Variants in ZMAT5 observed in about 807,000 individuals in gnomAD.
ZMAT5 encodes zinc finger matrin-type 5.
Under a neutral mutation model 28.0 loss-of-function variants are expected in ZMAT5, and 23 were observed. The ratio of observed to expected loss-of-function variants is 0.82; its 90% CI spans 0.59 to 1.16. The LOEUF (loss-of-function observed/expected upper bound fraction) is 1.16. ZMAT5 is among the 50% of genes most tolerant of loss of function. ZMAT5 has a pLI of 0.00. For missense variants in ZMAT5, 173 were observed against 212.7 expected, an observed-to-expected ratio of 0.81 and a Z score of 1.16; for synonymous variants, 76 against 84.1, an observed-to-expected ratio of 0.90 and a Z score of 0.52.
chr22:29,742,006 A>C (rs901121681), intron 3 of ZMAT5, among the ~76,000 whole-genome samples: 2 of 150,484 alleles, frequency 1.3e-5, no homozygotes, highest in African/African-American at 4.9e-5. Context: ...TGAGCAGTCA[A>C]ATCTACACCT....
At chr22:29,735,087 GC>G in intron 5 of ZMAT5, among the ~76,000 whole-genome samples, 1 of 152,250 alleles carries the variant, frequency 6.6e-6, no homozygotes, top group South Asian at 2.1e-4. Flanking sequence ...GGGGGCTGGG[GC>G]TGGAATCCAC....
chr22:29,734,595 C>CT (rs2067886467), intron 5 of ZMAT5, among the ~76,000 whole-genome samples: 1 of 152,204 alleles, frequency 6.6e-6, no homozygotes. Flanking sequence ...GAAGCGGGGG[C>CT]TGGGAGGGGT....
At chr22:29,743,874 G>C (rs1252725593) in intron 2 of ZMAT5, among the ~76,000 whole-genome samples, 1 of 152,184 alleles carries the variant, frequency 6.6e-6, no homozygotes, top group Non-Finnish European at 1.5e-5. Flanking sequence ...CCAGGGGAGG[G>C]GAGAGGCAAG....
At chr22:29,733,213 A>G (rs891116342) in intron 5 of ZMAT5, among the ~76,000 whole-genome samples, 2 of 152,018 alleles carry the variant, frequency 1.3e-5, no homozygotes, top group African/African-American at 2.4e-5. Context: ...ACACCCCAAC[A>G]TCCAGCCTTC....
At chr22:29,757,108 T>TG (rs1225301583) in intron 1 of ZMAT5, among the ~76,000 whole-genome samples, 1 of 150,770 alleles carries the variant, frequency 6.6e-6, no homozygotes, top group African/African-American at 2.4e-5. Flanking sequence ...CCCAGCTGCT[T>TG]GGGAGGCTGA....
chr22:29,733,812 C>T (rs542986990), intron 5 of ZMAT5, among the ~76,000 whole-genome samples: 1 of 152,354 alleles, frequency 6.6e-6, no homozygotes, highest in Admixed American at 6.5e-5. Context: ...CAGCCCCGTG[C>T]CCCTGCCTGC....
At chr22:29,736,107 G>A (rs2067901754) in intron 5 of ZMAT5, among the ~76,000 whole-genome samples, 2 of 152,240 alleles carry the variant, frequency 1.3e-5, no homozygotes, top group Non-Finnish European at 2.9e-5. Context: ...GGACTCATAG[G>A]AGATCCTGTC....
rs142764266 is a variant in ZMAT5 at position 29,741,548 on chromosome 22, G to A, written c.191-818C>T. Among the ~76,000 whole-genome samples the A allele has an allele frequency of 2.8e-4, 42 of 152,290 alleles. 1 individual carries two copies. The East Asian group carries it at 7.9e-3, about 29-fold the overall frequency. ...CTTAGAGAATACATAGGACCTCAAG[G>A]GCAAGCATGGAGGAGACTATTCTCT... On this transcript the variant is annotated intron_variant, in intron 3 of 5. Transcript: ENST00000344318.
At chr22:29,751,067 T>C (rs1301594758) in intron 1 of ZMAT5, among the ~76,000 whole-genome samples, 1 of 152,094 alleles carries the variant, frequency 6.6e-6, no homozygotes, top group Non-Finnish European at 1.5e-5. Context: ...CTTATAGGAA[T>C]TGGATTGAAA....
At chr22:29,762,886 T>G (rs2147240050) in intron 1 of ZMAT5, among the ~76,000 whole-genome samples, 1 of 152,304 alleles carries the variant, frequency 6.6e-6, no homozygotes, top group East Asian at 1.9e-4. Context: ...GTTTTTTAAA[T>G]GATTACCTCC....
chr22:29,745,737 G>A (rs1032802535), intron 2 of ZMAT5, among the ~76,000 whole-genome samples: 2 of 152,246 alleles, frequency 1.3e-5, no homozygotes, highest in Non-Finnish European at 2.9e-5. Context: ...TGACCATGGC[G>A]GATGGATCAT....
chr22:29,736,119 A>T (rs1393925434), intron 5 of ZMAT5, among the ~76,000 whole-genome samples: 1 of 152,182 alleles, frequency 6.6e-6, no homozygotes, highest in African/African-American at 2.4e-5. Context: ...GATCCTGTCC[A>T]AGTAGCGGTG....
rs748701502 is a variant in ZMAT5, at chr22:29,740,729, G to C, written c.192C>G (p.Gly64=). The C allele has an allele frequency of 6.3e-7, 1 of 1,592,316 alleles. No homozygotes were observed. Among genetic ancestry groups the C allele is most frequent in the Admixed American group, 1.8e-5 (1 of 56,054 alleles). ...TGCAGTTGGAGCCAAAGTCGCACTG[G>C]CCTGCAGCAGGAAGACAGAGTTACT... ...KRPCRKFLLT[G]QCDFGSNCRF... Residue 64 remains glycine, a splice_region_variant and synonymous_variant, in exon 4 of 6, where the codon GGC becomes GGG. Transcript: ENST00000344318.
chr22:29,740,691 A>T lies in ZMAT5; in HGVS notation c.230T>A (p.Met77Lys), dbSNP rs752716627. ...DFGSNCRFSH[M>K]SERDLQELSI... ...CAGCTCCTGCAGGTCTCGCTCTGACATGTGGGAAAATCTGCAGTTGGAGCC... is the reference window on the plus strand; with the variant it reads ...CAGCTCCTGCAGGTCTCGCTCTGACTTGTGGGAAAATCTGCAGTTGGAGCC... Residue 77 changes from methionine to lysine, a missense_variant, in exon 4 of 6, where the codon ATG (methionine) becomes AAG (lysine). Met to Lys is a moderately conservative substitution (Grantham distance 95). Coordinates refer to ENST00000344318, the MANE Select transcript of ZMAT5 (RefSeq NM_001003692.2). The T allele has an allele frequency of 3.1e-6, 5 of 1,605,272 alleles. 1 individual carries two copies. In the South Asian group the frequency reaches 4.5e-5, roughly 14 times the overall value.
intron 4 of ZMAT5, among the ~76,000 whole-genome samples, chr22:29,739,496 C>A (rs1412753950): frequency 2.0e-5 from 3 of 152,182 alleles, no homozygotes; most frequent in East Asian, 3.8e-4. Context: ...ACATCACATT[C>A]GACAGGACAC....
At chr22:29,761,039 C>A (rs2068151897) in intron 1 of ZMAT5, among the ~76,000 whole-genome samples, 1 of 151,504 alleles carries the variant, frequency 6.6e-6, no homozygotes, top group South Asian at 2.1e-4. Flanking sequence ...CTTTGGGAGG[C>A]TGAGGCAGGC....
At chr22:29,762,626 CA>C (rs1569342197) in intron 1 of ZMAT5, among the ~76,000 whole-genome samples, 1 of 152,242 alleles carries the variant, frequency 6.6e-6, no homozygotes, top group Non-Finnish European at 1.5e-5. Flanking sequence ...CCATCACCCC[CA>C]GATGGGACCG....
At chr22:29,760,659 C>G (rs1322642975) in intron 1 of ZMAT5, among the ~76,000 whole-genome samples, 2 of 152,150 alleles carry the variant, frequency 1.3e-5, no homozygotes, top group African/African-American at 2.4e-5. Context: ...GAAGCAAAAG[C>G]CTGGAGGAAT....
Position 29,731,330 on chromosome 22 carries a change from G to T in ZMAT5, c.408C>A (p.Val136=). The change falls in exon 6 of 6, where the codon GTC becomes GTA. Residue 136 remains valine, a synonymous_variant. Transcript: ENST00000344318. Reference sequence around the variant, plus strand: ...GTGGCCAGCCCACGGGGTACTGGAAGACAGTGGTTCTGATGGGTTCAGCCC... The same window carrying T: ...GTGGCCAGCCCACGGGGTACTGGAATACAGTGGTTCTGATGGGTTCAGCCC... The part of the protein sequence containing the change: ...SSRAEPIRTT[V]FQYPVGWPPV... The T allele has an allele frequency of 6.5e-7, 1 of 1,537,670 alleles. No homozygotes were observed. Among genetic ancestry groups the T allele is most frequent in the Non-Finnish European group, 8.7e-7 (1 of 1,152,632 alleles).
Sources: allele counts gnomAD v4.1 joint callset (sites outside exome capture counted in the v4.1 genomes callset), GRCh38; gene constraint gnomAD v4.1.1; transcripts MANE v1.5; gene names NCBI Gene and HGNC (gene_info 2026-07-23, HGNC 2026-07-21).